RIN3: variants seen among roughly 807,000 people sequenced by gnomAD.
RIN3 encodes Ras and Rab interactor 3, also known as RAB5 interacting protein 3.
In RIN3, 54 loss-of-function variants were observed where a neutral mutation model predicts 76.3. The observed-to-expected ratio is 0.71, with a 90% CI of 0.57 to 0.89. RIN3 has a LOEUF of 0.89. RIN3 is among the 40% of genes least tolerant of loss of function. The pLI is 0.00. For missense variants in RIN3, 1,256 were observed against 1,322.1 expected, an observed-to-expected ratio of 0.95 and a Z score of 0.78; for synonymous variants, 576 against 564.0, an observed-to-expected ratio of 1.02 and a Z score of -0.30.
chr14:92,571,743 T>C (rs1414724003), intron 2 of RIN3, among the ~76,000 whole-genome samples: 1 of 152,210 alleles, frequency 6.6e-6, no homozygotes, highest in Admixed American at 6.5e-5. Context: ...GATAATCCGA[T>C]AGGACAACTC....
Position 92,651,567 on chromosome 14 carries a change from C to T in RIN3, c.533-15C>T, listed in dbSNP as rs773156379. 1 of 1,582,010 alleles carries T rather than the reference C, an allele frequency of 6.3e-7. No homozygotes were observed. Among genetic ancestry groups the T allele is most frequent in the Admixed American group, 1.7e-5 (1 of 57,458 alleles). ...TGGCACAGACTGACCCCCTGCCCCT[C>T]TCTTGCTTCCACAGGTTTCTGGGAC... is the stretch of plus-strand genomic sequence containing the variant. On this transcript the variant is annotated splice_polypyrimidine_tract_variant and intron_variant, in intron 5 of 9. Coordinates refer to ENST00000216487, the MANE Select transcript of RIN3 (RefSeq NM_024832.5).
intron 1 of RIN3, among the ~76,000 whole-genome samples, chr14:92,525,892 C>T (rs549776035): frequency 2.0e-4 from 31 of 152,052 alleles, no homozygotes; most frequent in Non-Finnish European, 4.0e-4. Flanking sequence ...TATGGAGTGC[C>T]GGGGGTCCCT....
chr14:92,646,263 C>T (rs1887197104), intron 5 of RIN3, among the ~76,000 whole-genome samples: 1 of 152,204 alleles, frequency 6.6e-6, no homozygotes, highest in African/African-American at 2.4e-5. Context: ...GCTTGCCGTG[C>T]CTGCAGTGGA....
intron 2 of RIN3, among the ~76,000 whole-genome samples, chr14:92,565,093 T>A (rs1897883133): frequency 1.3e-5 from 2 of 152,242 alleles, no homozygotes; most frequent in Non-Finnish European, 2.9e-5. Flanking sequence ...CTGTGTTCCC[T>A]CACTGCTCCA....
At chr14:92,601,922 C>T (rs139356688) in intron 3 of RIN3, among the ~76,000 whole-genome samples, 176 of 152,350 alleles carry the variant, frequency 1.2e-3, no homozygotes, top group Middle Eastern at 6.8e-3. Context: ...AGTTTGTATG[C>T]TTGCACTGTA....
At chr14:92,646,236 C>T (rs928139062) in intron 5 of RIN3, among the ~76,000 whole-genome samples, 1 of 152,192 alleles carries the variant, frequency 6.6e-6, no homozygotes. Flanking sequence ...ACTTCCCGCC[C>T]CTCGGCCCTT....
At chr14:92,516,830 A>T (rs1313006146) in intron 1 of RIN3, among the ~76,000 whole-genome samples, 1 of 152,184 alleles carries the variant, frequency 6.6e-6, no homozygotes, top group Non-Finnish European at 1.5e-5. Context: ...AAAAGCTTGA[A>T]ATGCCACAGG....
chr14:92,597,889 A>AAT (rs764555366), intron 3 of RIN3, among the ~76,000 whole-genome samples: 1 of 152,214 alleles, frequency 6.6e-6, no homozygotes, highest in Non-Finnish European at 1.5e-5. Context: ...GTAGAATCAT[A>AAT]ATAGCAGTCA....
intron 2 of RIN3, among the ~76,000 whole-genome samples, chr14:92,574,930 G>C (rs985599281): frequency 1.1e-4 from 17 of 152,226 alleles, no homozygotes; most frequent in African/African-American, 3.6e-4. Context: ...TCAGGTCTCA[G>C]CTCCACCACC....
intron 1 of RIN3, among the ~76,000 whole-genome samples, chr14:92,520,249 C>T (rs545008610): frequency 1.9e-4 from 29 of 151,500 alleles, no homozygotes; most frequent in African/African-American, 6.9e-4. Flanking sequence ...ACGGCACACA[C>T]TCAGGCCACA....
At chr14:92,680,326 A>C (rs1205998956) in intron 8 of RIN3, among the ~76,000 whole-genome samples, 1 of 151,930 alleles carries the variant, frequency 6.6e-6, no homozygotes, top group South Asian at 2.1e-4. Context: ...CAGGCTCCCA[A>C]GTAGCTGGGA....
rs938392953 is a variant in RIN3 at position 92,524,077 on chromosome 14, A to G, written c.44+10101A>G. Among the ~76,000 whole-genome samples, 318 of 152,248 alleles carry G rather than the reference A, an allele frequency of 2.1e-3. 2 individuals are homozygous for G. Among genetic ancestry groups the G allele is most frequent in the African/African-American group, 7.4e-3 (307 of 41,540 alleles). ...GGCATGGTGGTGTGCACTTGTAGTC[A>G]CAGCTACTCGGGAGGCTGAGGCAGG... is the stretch of plus-strand genomic sequence containing the variant. On this transcript the variant is annotated intron_variant, in intron 1 of 9. Transcript: ENST00000216487.
intron 3 of RIN3, among the ~76,000 whole-genome samples, chr14:92,578,346 C>G (rs1898322594): frequency 6.6e-6 from 1 of 152,166 alleles, no homozygotes; most frequent in Admixed American, 6.5e-5. Flanking sequence ...GGGACCCCCT[C>G]TCTAGGGCGG....
intron 1 of RIN3, among the ~76,000 whole-genome samples, chr14:92,523,456 A>G (rs1896649304): frequency 6.6e-6 from 1 of 152,192 alleles, no homozygotes. Flanking sequence ...TCTATCACTT[A>G]CAAGCTTAGT....
intron 1 of RIN3, among the ~76,000 whole-genome samples, chr14:92,524,107 T>A (rs1952326): frequency 0.066 from 10,019 of 152,042 alleles, 1,092 homozygotes; most frequent in African/African-American, 0.23. Flanking sequence ...GGCAGGGGGA[T>A]CTCTCGAGCC....
intron 5 of RIN3, among the ~76,000 whole-genome samples, chr14:92,651,158 C>G (rs1418167298): frequency 6.6e-6 from 1 of 152,200 alleles, no homozygotes; most frequent in Non-Finnish European, 1.5e-5. Context: ...GGTCAAACCA[C>G]CTGCCCCAGA....
intron 2 of RIN3, among the ~76,000 whole-genome samples, chr14:92,564,911 C>T (rs1375262434): frequency 6.6e-6 from 1 of 152,154 alleles, no homozygotes; most frequent in Non-Finnish European, 1.5e-5. Context: ...GGACACTGGG[C>T]CTAGGAAGCT....
At chr14:92,638,047 G>T (rs1273455524) in intron 4 of RIN3, among the ~76,000 whole-genome samples, 1 of 152,158 alleles carries the variant, frequency 6.6e-6, no homozygotes, top group Non-Finnish European at 1.5e-5. Flanking sequence ...ACACATAGTA[G>T]ATGCTCAGCA....
chr14:92,539,131 G>A (rs1240882117), intron 1 of RIN3, among the ~76,000 whole-genome samples: 2 of 151,866 alleles, frequency 1.3e-5, no homozygotes, highest in African/African-American at 2.4e-5. Context: ...CCTAAATCCT[G>A]TCTTCTCCAG....
Sources: gnomAD v4.1 joint callset for allele counts (sites outside exome capture counted in the v4.1 genomes callset) on GRCh38, gnomAD v4.1.1 for gene constraint, MANE v1.5 for transcripts, NCBI Gene and HGNC (gene_info 2026-07-23, HGNC 2026-07-21) for gene names.